Variants in AKT3 observed in about 807,000 individuals in gnomAD.
The protein encoded by AKT3 is AKT serine/threonine kinase 3.
In AKT3, 15 loss-of-function variants were observed where a neutral mutation model predicts 65.3. The observed-to-expected ratio is 0.23, with a 90% CI of 0.15 to 0.35. The LOEUF (loss-of-function observed/expected upper bound fraction) is 0.35, where lower values mean the gene tolerates loss of function less well. AKT3 is among the 10% of genes least tolerant of loss of function. The pLI, the probability that AKT3 is intolerant of heterozygous loss-of-function variation, is 1.00. For synonymous variants in AKT3, 206 were observed against 183.8 expected, an observed-to-expected ratio of 1.12 and a Z score of -0.98; for missense variants, 243 against 576.5, an observed-to-expected ratio of 0.42 and a Z score of 5.92.
At chr1:243,755,729 T>A (rs1034489691) in intron 2 of AKT3, among the ~76,000 whole-genome samples, 1 of 152,208 alleles carries the variant, frequency 6.6e-6, no homozygotes, top group Non-Finnish European at 1.5e-5. Context: ...AGAATAAAAC[T>A]CTAAGACTCA....
chr1:243,572,009 T>C (rs1674597923), intron 9 of AKT3, among the ~76,000 whole-genome samples: 1 of 152,248 alleles, frequency 6.6e-6, no homozygotes, highest in Non-Finnish European at 1.5e-5. Context: ...CATGAAATAG[T>C]ATTTGATCAA....
intron 2 of AKT3, chr1:243,793,658 G>A (rs1259125369): frequency 6.6e-6 from 1 of 151,964 alleles, no homozygotes; most frequent in South Asian, 2.1e-4. Flanking sequence ...TGTAGCCCTA[G>A]CTCCTCAGGA....
At chr1:243,642,545 G>C (rs58320632) in intron 5 of AKT3, among the ~76,000 whole-genome samples, 1 of 152,172 alleles carries the variant, frequency 6.6e-6, no homozygotes, top group African/African-American at 2.4e-5. Context: ...TCCTGACCTT[G>C]TGATCCGCCC....
At position 243,676,218 on chromosome 1, in the gene AKT3, G is replaced by T. The variant is rs75115268; in HGVS notation, c.173-11335C>A. ...TAAAAGGGTGTCTCTAATGAAATGAGAGGCCAATGCAGATTACCTTCGGGA... is the reference window on the plus strand; with the variant it reads ...TAAAAGGGTGTCTCTAATGAAATGATAGGCCAATGCAGATTACCTTCGGGA... On this transcript the variant is annotated intron_variant, in intron 3 of 13. Coordinates refer to ENST00000673466, the MANE Select transcript of AKT3 (RefSeq NM_005465.7). Among the ~76,000 whole-genome samples the T allele has an allele frequency of 4.6e-3, 700 of 152,284 alleles. 3 individuals carry two copies. Among genetic ancestry groups the T allele is most frequent in the Non-Finnish European group, 7.5e-3 (509 of 68,018 alleles).
chr1:243,559,408 T>A (rs1001510375), intron 10 of AKT3, among the ~76,000 whole-genome samples: 3 of 152,172 alleles, frequency 2.0e-5, no homozygotes, highest in Non-Finnish European at 4.4e-5. Context: ...AGCTGCATTC[T>A]TCATCAAAAG....
intron 2 of AKT3, among the ~76,000 whole-genome samples, chr1:243,841,145 C>T (rs929347002): frequency 6.6e-6 from 1 of 151,190 alleles, no homozygotes; most frequent in African/African-American, 2.4e-5. Flanking sequence ...TAAACACATA[C>T]ACATTATTAG....
At chr1:243,745,011 T>C (rs1405942285) in intron 2 of AKT3, among the ~76,000 whole-genome samples, 1 of 152,110 alleles carries the variant, frequency 6.6e-6, no homozygotes, top group Non-Finnish European at 1.5e-5. Flanking sequence ...CCTGTTATGA[T>C]CTTACTGAAG....
At chr1:243,539,343 T>C (rs1486428838) in intron 12 of AKT3, among the ~76,000 whole-genome samples, 1 of 152,176 alleles carries the variant, frequency 6.6e-6, no homozygotes, top group Non-Finnish European at 1.5e-5. Flanking sequence ...TAATAATATT[T>C]CCCTTCCTGT....
chr1:243,637,575 C>T (rs760426054), intron 6 of AKT3, 36 bp downstream of exon 6: 1 of 1,556,288 alleles, frequency 6.4e-7, no homozygotes, highest in Non-Finnish European at 8.7e-7. Flanking sequence ...ACACTGCAAA[C>T]AAAAATTTAG....
chr1:243,609,301 TAA>T (rs1677684233), intron 8 of AKT3, among the ~76,000 whole-genome samples: 1 of 151,362 alleles, frequency 6.6e-6, no homozygotes, highest in African/African-American at 2.4e-5. Flanking sequence ...TATTTCCTAC[TAA>T]AGTTATTAAA....
At chr1:243,575,364 G>C (rs934170814) in intron 8 of AKT3, among the ~76,000 whole-genome samples, 1 of 152,168 alleles carries the variant, frequency 6.6e-6, no homozygotes, top group Admixed American at 6.6e-5. Context: ...CTGGAGAAGA[G>C]AAAGAGGGAA....
At position 243,764,247 on chromosome 1, in the gene AKT3, A is replaced by G. The variant is rs548038722; in HGVS notation, c.47-68531T>C. Among the ~76,000 whole-genome samples the G allele has an allele frequency of 2.0e-5, 3 of 152,232 alleles. 1 individual carries two copies. Among genetic ancestry groups the G allele is most frequent in the Admixed American group, 2.0e-4 (3 of 15,290 alleles). ...TAAAAATAATTTTAATTCCCTTTTAATCTGTTGTCATTTGTCATTATTAAT... is the reference window on the plus strand; with the variant it reads ...TAAAAATAATTTTAATTCCCTTTTAGTCTGTTGTCATTTGTCATTATTAAT... On this transcript the variant is annotated intron_variant, in intron 2 of 13. Transcript: ENST00000673466.
At chr1:243,719,858 C>CA (rs1405091567) in intron 2 of AKT3, among the ~76,000 whole-genome samples, 11 of 152,060 alleles carry the variant, frequency 7.2e-5, no homozygotes, top group South Asian at 2.1e-4. Context: ...AAGACAGCTG[C>CA]AAAAAACAGT....
chr1:243,701,466 A>C (rs959376289), intron 2 of AKT3, among the ~76,000 whole-genome samples: 2 of 152,182 alleles, frequency 1.3e-5, no homozygotes, highest in Admixed American at 1.3e-4. Flanking sequence ...CTATGCTAAA[A>C]ACACAATCGG....
At chr1:243,606,826 G>GC (rs893511318) in intron 8 of AKT3, among the ~76,000 whole-genome samples, 15 of 152,186 alleles carry the variant, frequency 9.9e-5, no homozygotes, top group Non-Finnish European at 1.5e-4. Flanking sequence ...CAAAAGCAGG[G>GC]CCCCCCAACC....
chr1:243,766,285 CT>C (rs1216980647), intron 2 of AKT3, among the ~76,000 whole-genome samples: 2 of 152,084 alleles, frequency 1.3e-5, no homozygotes, highest in Non-Finnish European at 2.9e-5. Flanking sequence ...TAAGGCCCTA[CT>C]GTGTGTAAGA....
At chr1:243,563,594 A>T (rs1673947727) in intron 10 of AKT3, 126 bp downstream of exon 10, 2 of 1,227,424 alleles carry the variant, frequency 1.6e-6, no homozygotes, top group African/African-American at 1.5e-5. Flanking sequence ...GAGCCAAAAA[A>T]TTTTGATTCA....
rs755272323 is a variant in AKT3, at chr1:243,525,768, T to TAAGAAAGAAAGAAAGAAAGAAAGA, written c.1252-13366_1252-13343dup. ...ATACCTGTTGGACAACTTCCAAAAG[T>TAAGAAAGAAAGAAAGAAAGAAAGA]AAGAAAGAAAGAAAGAAAGAAAGAA... is the stretch of plus-strand genomic sequence containing the variant. On this transcript the variant is annotated intron_variant, in intron 12 of 13. Coordinates refer to ENST00000673466, the MANE Select transcript of AKT3 (RefSeq NM_005465.7). Among the ~76,000 whole-genome samples, 6 of 4,144 alleles carry TAAGAAAGAAAGAAAGAAAGAAAGA rather than the reference T, an allele frequency of 1.4e-3. 2 individuals carry two copies. The highest frequency in any genetic ancestry group is 0.014 in the East Asian group (2 of 146). 2.7% of individuals were successfully genotyped at this position (4,144 alleles called of 152,430 possible).
At chr1:243,604,522 T>C (rs1464781245) in intron 8 of AKT3, among the ~76,000 whole-genome samples, 3 of 152,204 alleles carry the variant, frequency 2.0e-5, no homozygotes, top group African/African-American at 7.2e-5. Context: ...ACACATGCCA[T>C]TTTACCTGTG....
Sources: allele counts gnomAD v4.1 joint callset (sites outside exome capture counted in the v4.1 genomes callset), GRCh38; gene constraint gnomAD v4.1.1; transcripts MANE v1.5; gene names NCBI Gene and HGNC (gene_info 2026-07-23, HGNC 2026-07-21).